The following TMEM161B variants were observed in gnomAD, a reference collection of about 807,000 sequenced individuals.
The protein encoded by TMEM161B is transmembrane protein 161B.
A neutral mutation model predicts 61.8 loss-of-function variants in TMEM161B; 34 were observed. That is an observed-to-expected ratio of 0.55 (90% CI 0.42 to 0.73). The LOEUF (loss-of-function observed/expected upper bound fraction) is 0.73. Ranked by LOEUF, TMEM161B falls within the 30% of genes least tolerant of loss-of-function variation. The pLI is 0.00. For missense variants in TMEM161B, 456 were observed against 558.5 expected (o/e 0.82, Z 1.85); for synonymous variants, 167 against 192.8 (o/e 0.87, Z 1.11).
chr5:88,268,226 T>C (rs932116549), intron 1 of TMEM161B, among the ~76,000 whole-genome samples: 4 of 152,248 alleles, frequency 2.6e-5, no homozygotes, highest in African/African-American at 9.6e-5. Context: ...TTTTCAATTA[T>C]GAAATGGCTA....
intron 4 of TMEM161B, among the ~76,000 whole-genome samples, chr5:88,225,358 G>A (rs555518073): frequency 1.5e-3 from 233 of 152,198 alleles, no homozygotes; most frequent in Non-Finnish European, 2.1e-3. Flanking sequence ...AAAGTCATAC[G>A]TCATACTCGA....
chr5:88,236,815 T>C (rs1751937060), intron 2 of TMEM161B, among the ~76,000 whole-genome samples: 1 of 152,164 alleles, frequency 6.6e-6, no homozygotes, highest in Non-Finnish European at 1.5e-5. Context: ...GCATACTACT[T>C]ATAACCTATA....
chr5:88,234,873 T>C (rs1300454126), intron 2 of TMEM161B, among the ~76,000 whole-genome samples: 5 of 152,158 alleles, frequency 3.3e-5, no homozygotes, highest in Non-Finnish European at 5.9e-5. Context: ...GAAACCAGCC[T>C]GGGCAACATA....
At chr5:88,201,186 G>C (rs563940928) in intron 9 of TMEM161B, 11 of 152,062 alleles carry the variant, frequency 7.2e-5, no homozygotes, top group Middle Eastern at 3.4e-3. Flanking sequence ...TGGGACAAAG[G>C]GGGGAAAAAG....
chr5:88,187,033 T>G (rs144265763), downstream of TMEM161B, among the ~76,000 whole-genome samples: 440 of 152,376 alleles, frequency 2.9e-3, 3 homozygotes, highest in Middle Eastern at 0.014. Flanking sequence ...GAATTGATTC[T>G]TGTGTAAAGT....
At chr5:88,214,842 A>G (rs1747522314) in intron 5 of TMEM161B, among the ~76,000 whole-genome samples, 1 of 152,244 alleles carries the variant, frequency 6.6e-6, no homozygotes, top group Admixed American at 6.5e-5. Context: ...TGAGATTGAA[A>G]GCAGCTGTGA....
chr5:88,206,704 T>C (rs1339920336), intron 6 of TMEM161B, among the ~76,000 whole-genome samples: 1 of 152,096 alleles, frequency 6.6e-6, no homozygotes, highest in East Asian at 1.9e-4. Context: ...GTCCCTTTGA[T>C]ATTTGTACAT....
chr5:88,188,497 T>C (rs1240407764), downstream of TMEM161B, among the ~76,000 whole-genome samples: 15 of 152,194 alleles, frequency 9.9e-5, no homozygotes, highest in African/African-American at 3.6e-4. Context: ...CATTTCTTAA[T>C]CTATTTTTTA....
At position 88,207,068 on chromosome 5, in the gene TMEM161B, T is replaced by C. The variant is rs1745644203; in HGVS notation, c.559A>G (p.Ile187Val). ...AATTCCAGATAATTTTCTGTTACAA[T>C]CAACACTGCCATTGCTTTGACAAAG... ...FFFVKAMAVLIVTENYLEFGL... is the reference protein window; with the variant it reads ...FFFVKAMAVLVVTENYLEFGL... The change falls in exon 6 of 12, where the codon ATT (isoleucine) becomes GTT (valine). Residue 187 changes from isoleucine (I) to valine (V), a missense_variant. Physicochemically the swap from Ile to Val is conservative, Grantham distance 29. Around this residue, in one of 3 missense-constraint regions of TMEM161B, gnomAD observed 367 missense variants for 427.3 expected, o/e 0.86. Transcript: ENST00000296595. 6.2e-7 allele frequency: 1 copy of C among 1,612,446 alleles called. No homozygotes were observed.
At chr5:88,221,530 T>A (rs1413964366) in intron 4 of TMEM161B, 2 of 343,514 alleles carry the variant, frequency 5.8e-6, no homozygotes, top group Admixed American at 7.4e-5. Context: ...TAAATATACC[T>A]CTTATACCCT....
intron 1 of TMEM161B, among the ~76,000 whole-genome samples, chr5:88,264,549 G>GA (rs1277407463): frequency 2.6e-5 from 4 of 152,180 alleles, no homozygotes; most frequent in African/African-American, 9.6e-5. Context: ...TCTAGAACCA[G>GA]AAATACCATT....
At chr5:88,197,907 A>G (rs1749966518) in intron 10 of TMEM161B, 142 bp from the exon 11 acceptor site, 3 of 590,510 alleles carry the variant, frequency 5.1e-6, no homozygotes, top group Non-Finnish European at 8.4e-6. Flanking sequence ...GTTGTGCTGC[A>G]TGATACATGT....
chr5:88,257,384 A>C (rs968634517), intron 1 of TMEM161B, among the ~76,000 whole-genome samples: 7 of 152,208 alleles, frequency 4.6e-5, no homozygotes, highest in Non-Finnish European at 8.8e-5. Context: ...TTAATATAAA[A>C]ATTTCAGCTT....
At chr5:88,220,524 T>C (rs1185684796) in intron 5 of TMEM161B, 39 bp downstream of exon 5, 3 of 1,487,190 alleles carry the variant, frequency 2.0e-6, no homozygotes, top group African/African-American at 1.4e-5. Context: ...TGGTGTTATC[T>C]GCAAAATAAA....
chr5:88,219,578 A>G (rs1027217833), intron 5 of TMEM161B, among the ~76,000 whole-genome samples: 1 of 152,166 alleles, frequency 6.6e-6, no homozygotes. Flanking sequence ...CAGAAACCAG[A>G]AGAATAAAAA....
chr5:88,198,882 G>T, intron 10 of TMEM161B, 94 bp downstream of exon 10: 2 of 1,041,062 alleles, frequency 1.9e-6, no homozygotes, highest in African/African-American at 1.6e-5. Flanking sequence ...AATATGATGG[G>T]TTGAAATACT....
At chr5:88,212,687 G>C (rs1025831134) in intron 5 of TMEM161B, among the ~76,000 whole-genome samples, 5 of 152,176 alleles carry the variant, frequency 3.3e-5, no homozygotes, top group African/African-American at 1.2e-4. Flanking sequence ...AAATTAGCCA[G>C]GCTTGGTGGC....
At chr5:88,231,486 T>C (rs935215947) in intron 2 of TMEM161B, among the ~76,000 whole-genome samples, 1 of 152,246 alleles carries the variant, frequency 6.6e-6, no homozygotes, top group Non-Finnish European at 1.5e-5. Context: ...TGAAAGATTC[T>C]TGGAGAAAAG....
At chr5:88,235,752 G>A (rs566913874) in intron 2 of TMEM161B, among the ~76,000 whole-genome samples, 11 of 152,316 alleles carry the variant, frequency 7.2e-5, no homozygotes, top group Admixed American at 5.9e-4. Flanking sequence ...ACTAATGACA[G>A]TTTTAGTCTC....
Sources: allele counts gnomAD v4.1 joint callset (sites outside exome capture counted in the v4.1 genomes callset), GRCh38; gene constraint gnomAD v4.1.1; regional missense constraint gnomAD v4.1.1; transcripts MANE v1.5; gene names NCBI Gene and HGNC (gene_info 2026-07-23, HGNC 2026-07-21).